Variants in MAPK8 observed in about 807,000 individuals in gnomAD.
MAPK8 encodes the protein JUN N-terminal kinase.
MAPK8 carries 13 observed loss-of-function variants against 52.9 expected under a neutral mutation model. The ratio of observed to expected loss-of-function variants is 0.25; its 90% CI spans 0.16 to 0.39. The LOEUF (loss-of-function observed/expected upper bound fraction) is 0.39, where lower values mean the gene tolerates loss of function less well. Among genes scored for constraint, MAPK8 ranks in the 10% least tolerant of loss-of-function variants. MAPK8 has a pLI of 1.00. For synonymous variants in MAPK8, 191 were observed against 169.8 expected (o/e 1.12, Z -0.97); for missense variants, 300 against 519.2 (o/e 0.58, Z 4.10).
chr10:48,328,101 C>T (rs569836047), intron 1 of MAPK8, among the ~76,000 whole-genome samples: 1 of 152,266 alleles, frequency 6.6e-6, no homozygotes, highest in Admixed American at 6.5e-5. Flanking sequence ...ACTGCAACCT[C>T]AGCCTCCTGG....
At chr10:48,382,516 G>A (rs1212456470) in intron 1 of MAPK8, among the ~76,000 whole-genome samples, 1 of 151,816 alleles carries the variant, frequency 6.6e-6, no homozygotes. Context: ...AGTAAAACTC[G>A]CTATTTTAAA....
At chr10:48,310,071 T>TTCA (rs1564461940) in intron 1 of MAPK8, among the ~76,000 whole-genome samples, 1 of 152,208 alleles carries the variant, frequency 6.6e-6, no homozygotes, top group Non-Finnish European at 1.5e-5. Context: ...ACAGGAGTAT[T>TTCA]GAAATGAGTT....
chr10:48,353,031 A>G (rs1846489628), intron 1 of MAPK8, among the ~76,000 whole-genome samples: 2 of 152,356 alleles, frequency 1.3e-5, no homozygotes, highest in East Asian at 1.9e-4. Flanking sequence ...CCTAGATATC[A>G]GTCTAACAAG....
intron 1 of MAPK8, among the ~76,000 whole-genome samples, chr10:48,320,561 ATAT>A (rs903259670): frequency 2.6e-4 from 40 of 152,098 alleles, no homozygotes; most frequent in African/African-American, 9.4e-4. Flanking sequence ...TTATGGTGAA[ATAT>A]TATTTGGTTG....
chr10:48,335,996 A>G (rs959842379), intron 1 of MAPK8, among the ~76,000 whole-genome samples: 7 of 152,226 alleles, frequency 4.6e-5, no homozygotes, highest in African/African-American at 1.7e-4. Context: ...TGAGGCCTGC[A>G]GATCTTTCAA....
chr10:48,319,636 C>G (rs1179120112), intron 1 of MAPK8, among the ~76,000 whole-genome samples: 1 of 151,950 alleles, frequency 6.6e-6, no homozygotes, highest in Non-Finnish European at 1.5e-5. Context: ...ATTACAGGTG[C>G]CTGCCACTAG....
intron 1 of MAPK8, among the ~76,000 whole-genome samples, chr10:48,359,279 C>T (rs949624353): frequency 1.3e-5 from 2 of 152,130 alleles, no homozygotes; most frequent in Non-Finnish European, 2.9e-5. Flanking sequence ...ACTGCACCAG[C>T]GGATCCACAG....
Position 48,427,106 on chromosome 10 carries a change from G to A in MAPK8, c.1023G>A (p.Gln341=). The A allele has an allele frequency of 1.2e-6, 2 of 1,613,272 alleles. No individual in the cohort carries two copies. Among genetic ancestry groups the A allele is most frequent in the Non-Finnish European group, 1.7e-6 (2 of 1,179,506 alleles). The change falls in exon 10 of 12, where the codon CAG becomes CAA. Residue 341 remains glutamine (Q), a synonymous_variant. Coordinates refer to ENST00000374189, the MANE Select transcript of MAPK8 (RefSeq NM_001323329.2). ...EAPPPKIPDK[Q]LDEREHTIEE... ...CACCACCAAAGATCCCTGACAAGCAGTTAGATGAAAGGGAACACACAATAG... is the reference window on the plus strand; with the variant it reads ...CACCACCAAAGATCCCTGACAAGCAATTAGATGAAAGGGAACACACAATAG...
chr10:48,424,645 C>A, intron 7 of MAPK8: 1 of 1,112,462 alleles, frequency 9.0e-7, no homozygotes, highest in Non-Finnish European at 1.3e-6. Flanking sequence ...GATAGCACTT[C>A]AGTTTGGTCA....
intron 1 of MAPK8, among the ~76,000 whole-genome samples, chr10:48,386,528 A>G (rs2041321157): frequency 6.6e-6 from 1 of 152,326 alleles, no homozygotes; most frequent in South Asian, 2.1e-4. Context: ...GCAAGCCCAG[A>G]AGCCAACTTT....
chr10:48,338,487 A>G (rs1352032110), intron 1 of MAPK8, among the ~76,000 whole-genome samples: 2 of 152,200 alleles, frequency 1.3e-5, no homozygotes, highest in Non-Finnish European at 2.9e-5. Context: ...TGAATGAGCA[A>G]AAGTTGAAAG....
At chr10:48,413,819 A>ATATATATG (rs1295630168) in intron 5 of MAPK8, among the ~76,000 whole-genome samples, 9 of 70,318 alleles carry the variant, frequency 1.3e-4, no homozygotes, top group Non-Finnish European at 2.5e-4. Context: ...GAATTGTTAT[A>ATATATATG]TATATATATA....
At chr10:48,340,485 A>G (rs1588996677) in intron 1 of MAPK8, among the ~76,000 whole-genome samples, 2 of 152,150 alleles carry the variant, frequency 1.3e-5, no homozygotes, top group Non-Finnish European at 2.9e-5. Context: ...AGACCCCAGA[A>G]TTATGCAATG....
intron 1 of MAPK8, among the ~76,000 whole-genome samples, chr10:48,323,958 T>TCC (rs1304630733): frequency 6.6e-6 from 1 of 152,222 alleles, no homozygotes; most frequent in Admixed American, 6.5e-5. Context: ...GTTTTTTGGT[T>TCC]CCTTACAACT....
At chr10:48,326,670 GTATT>G (rs962321415) in intron 1 of MAPK8, among the ~76,000 whole-genome samples, 4 of 152,108 alleles carry the variant, frequency 2.6e-5, no homozygotes, top group Admixed American at 6.5e-5. Context: ...TTATATATCA[GTATT>G]TATATGTGCA....
intron 1 of MAPK8, among the ~76,000 whole-genome samples, chr10:48,310,807 G>A (rs923919868): frequency 6.6e-6 from 1 of 151,758 alleles, no homozygotes; most frequent in Admixed American, 6.6e-5. Context: ...CCCCTTTTTG[G>A]AAAACTTAGT....
chr10:48,411,134 T>C (rs2042725903), intron 5 of MAPK8, among the ~76,000 whole-genome samples: 1 of 152,242 alleles, frequency 6.6e-6, no homozygotes, highest in Non-Finnish European at 1.5e-5. Context: ...TTTAATGAAA[T>C]ACAATTGTTT....
intron 1 of MAPK8, among the ~76,000 whole-genome samples, chr10:48,390,620 A>G (rs1334870711): frequency 6.6e-6 from 1 of 152,196 alleles, no homozygotes; most frequent in East Asian, 1.9e-4. Context: ...GTGTGTTTCT[A>G]CATTCAGGCT....
chr10:48,363,465 A>G (rs1213651851), intron 1 of MAPK8, among the ~76,000 whole-genome samples: 2 of 152,222 alleles, frequency 1.3e-5, no homozygotes, highest in African/African-American at 4.8e-5. Flanking sequence ...AATACCATAA[A>G]GGAAGAGTGT....
Sources: gnomAD v4.1 joint callset for allele counts (sites outside exome capture counted in the v4.1 genomes callset) on GRCh38, gnomAD v4.1.1 for gene constraint, MANE v1.5 for transcripts, NCBI Gene and HGNC (gene_info 2026-07-23, HGNC 2026-07-21) for gene names.